Variants in TAFA1 observed in about 807,000 individuals in gnomAD.
TAFA1 encodes TAFA chemokine like family member 1, also known as chemokine-like protein TAFA-1.
In TAFA1, 4 loss-of-function variants were observed where a neutral mutation model predicts 18.5. The observed-to-expected ratio is 0.22, with a 90% confidence interval of 0.11 to 0.49. TAFA1 has a LOEUF of 0.49. TAFA1 is among the 20% of genes least tolerant of loss of function. The pLI, the probability that TAFA1 is intolerant of heterozygous loss-of-function variation, is 0.98. For missense variants in TAFA1, 147 were observed against 169.0 expected (o/e 0.87, Z 0.72); for synonymous variants, 56 against 55.2 (o/e 1.01, Z -0.06).
intron 2 of TAFA1, among the ~76,000 whole-genome samples, chr3:68,133,446 A>C (rs775356485): frequency 1.3e-5 from 2 of 152,166 alleles, no homozygotes; most frequent in Non-Finnish European, 2.9e-5. Flanking sequence ...GAATCTGTAC[A>C]TTACTTTGGG....
At chr3:68,217,905 T>C (rs2066679113) in intron 2 of TAFA1, among the ~76,000 whole-genome samples, 1 of 152,078 alleles carries the variant, frequency 6.6e-6, no homozygotes, top group Admixed American at 6.6e-5. Flanking sequence ...TCATCATTAT[T>C]ATAATTGAAG....
At chr3:68,030,653 C>G (rs1032350426) in intron 2 of TAFA1, among the ~76,000 whole-genome samples, 1 of 152,016 alleles carries the variant, frequency 6.6e-6, no homozygotes, top group Admixed American at 6.6e-5. Context: ...TTTTCTTTAC[C>G]CAGTCTATCA....
intron 2 of TAFA1, among the ~76,000 whole-genome samples, chr3:68,032,634 C>T (rs1482112862): frequency 2.0e-5 from 3 of 152,142 alleles, no homozygotes; most frequent in African/African-American, 7.2e-5. Context: ...TTTCCCACTG[C>T]CTGGTTCCAC....
At chr3:68,006,494 A>G (rs1704360165) in intron 1 of TAFA1, 130 bp from the exon 2 acceptor site, 5 of 676,132 alleles carry the variant, frequency 7.4e-6, no homozygotes, top group Non-Finnish European at 1.4e-5. Flanking sequence ...CCTCTGCTGG[A>G]TCATTAGTTC....
intron 2 of TAFA1, among the ~76,000 whole-genome samples, chr3:68,301,233 A>G (rs762273117): frequency 3.3e-5 from 5 of 152,162 alleles, no homozygotes; most frequent in Non-Finnish European, 7.4e-5. Context: ...TGAAAATACA[A>G]AGCAAAATTA....
intron 2 of TAFA1, among the ~76,000 whole-genome samples, chr3:68,272,122 C>A (rs2067687896): frequency 6.6e-6 from 1 of 152,158 alleles, no homozygotes; most frequent in Non-Finnish European, 1.5e-5. Flanking sequence ...AGATAGAAAT[C>A]ACTTTACAGA....
intron 2 of TAFA1, among the ~76,000 whole-genome samples, chr3:68,287,816 T>C (rs1268408967): frequency 6.6e-6 from 1 of 151,134 alleles, no homozygotes; most frequent in African/African-American, 2.4e-5. Context: ...AATCTAATTA[T>C]ACCTCCTTAT....
At chr3:68,041,184 G>T (rs758492709) in intron 2 of TAFA1, among the ~76,000 whole-genome samples, 1 of 152,192 alleles carries the variant, frequency 6.6e-6, no homozygotes, top group Non-Finnish European at 1.5e-5. Context: ...TATTCCAGTT[G>T]CTCTTCTTCC....
chr3:68,323,592 A>G (rs570453474), intron 2 of TAFA1, among the ~76,000 whole-genome samples: 2 of 152,338 alleles, frequency 1.3e-5, no homozygotes, highest in South Asian at 4.1e-4. Context: ...TTTCAAGGCT[A>G]AAATGTGCAT....
chr3:68,182,737 G>T (rs1042269264), intron 2 of TAFA1, among the ~76,000 whole-genome samples: 2 of 151,960 alleles, frequency 1.3e-5, no homozygotes, highest in African/African-American at 2.4e-5. Context: ...TATAAACCTT[G>T]CATTCTTGTA....
intron 3 of TAFA1, among the ~76,000 whole-genome samples, chr3:68,504,405 C>T (rs907041187): frequency 1.3e-5 from 2 of 152,156 alleles, no homozygotes; most frequent in Non-Finnish European, 1.5e-5. Context: ...AGGGGTCTCC[C>T]TAGACTCTGG....
intron 2 of TAFA1, among the ~76,000 whole-genome samples, chr3:68,284,652 G>C (rs529055091): frequency 3.3e-5 from 5 of 152,214 alleles, no homozygotes; most frequent in South Asian, 2.1e-4. Context: ...AGCAGGCCAG[G>C]CATGGTGATT....
In TAFA1 at chr3:68,337,751, A is replaced by G. The variant is rs139046401; in HGVS notation, c.119-79529A>G. On this transcript the variant is annotated intron_variant, in intron 2 of 4. Transcript: ENST00000478136. ...TTTCTTAAAGTAACCTTGAAACGGT[A>G]TCAGGAAGACACAGGGATGGGGCAC... Among the ~76,000 whole-genome samples the G allele has an allele frequency of 6.5e-3, 991 of 152,290 alleles. 10 individuals carry two copies. The highest frequency in any genetic ancestry group is 0.023 in the African/African-American group (948 of 41,560).
intron 2 of TAFA1, among the ~76,000 whole-genome samples, chr3:68,009,628 C>T (rs1280497077): frequency 1.3e-5 from 2 of 152,104 alleles, no homozygotes; most frequent in African/African-American, 4.8e-5. Flanking sequence ...AACTTAACAT[C>T]CAATAGTTCT....
chr3:68,307,616 C>A (rs1014790775), intron 2 of TAFA1, among the ~76,000 whole-genome samples: 1 of 151,876 alleles, frequency 6.6e-6, no homozygotes, highest in African/African-American at 2.4e-5. Context: ...TTTTTGGAAA[C>A]AATATTTATA....
At chr3:68,420,459 A>G (rs1575851321) in intron 3 of TAFA1, among the ~76,000 whole-genome samples, 1 of 151,984 alleles carries the variant, frequency 6.6e-6, no homozygotes, top group Non-Finnish European at 1.5e-5. Context: ...GGCTCAAGCA[A>G]CCCTCCTGCC....
chr3:68,394,048 A>G (rs1343781586), intron 2 of TAFA1, among the ~76,000 whole-genome samples: 1 of 151,780 alleles, frequency 6.6e-6, no homozygotes, highest in African/African-American at 2.4e-5. Context: ...ATGCATTTAG[A>G]AAACCACATC....
At position 68,363,825 on chromosome 3, in the gene TAFA1, A is replaced by G. The variant is rs187686361; in HGVS notation, c.119-53455A>G. 3.3e-3 allele frequency among the ~76,000 whole-genome samples: 509 copies of G among 152,272 alleles called. 2 individuals are homozygous for G. Among genetic ancestry groups the G allele is most frequent in the Non-Finnish European group, 5.5e-3 (372 of 68,026 alleles). On this transcript the variant is annotated intron_variant, in intron 2 of 4. Coordinates refer to ENST00000478136, the MANE Select transcript of TAFA1 (RefSeq NM_213609.4). Reference sequence around the variant, plus strand: ...AGTTATAGCTTTTTTCTTTATGAGTACGCAAACTGAAGACACAGGCAGCCT... The same window carrying G: ...AGTTATAGCTTTTTTCTTTATGAGTGCGCAAACTGAAGACACAGGCAGCCT...
intron 2 of TAFA1, among the ~76,000 whole-genome samples, chr3:68,337,074 A>T (rs1437928584): frequency 1.3e-5 from 2 of 152,168 alleles, no homozygotes; most frequent in Non-Finnish European, 2.9e-5. Flanking sequence ...TTCCAGGCTT[A>T]TTGAGATATA....
Sources: allele counts gnomAD v4.1 joint callset (sites outside exome capture counted in the v4.1 genomes callset), GRCh38; gene constraint gnomAD v4.1.1; transcripts MANE v1.5; gene names NCBI Gene and HGNC (gene_info 2026-07-23, HGNC 2026-07-21).